Variants in ENG observed in about 807,000 individuals in gnomAD.
ENG encodes CD105 antigen.
In ENG, 17 loss-of-function variants were observed where a neutral mutation model predicts 71.0. That is an observed-to-expected ratio of 0.24 (90% CI 0.16 to 0.36). ENG has a LOEUF of 0.36. Ranked by LOEUF, ENG falls within the 10% of genes least tolerant of loss-of-function variation. The pLI is 1.00. For missense variants in ENG, 749 were observed against 868.3 expected (o/e 0.86, Z 1.73); for synonymous variants, 360 against 366.9 (o/e 0.98, Z 0.21).
chr9:127,833,298 G>T (rs960970189), intron 2 of ENG, among the ~76,000 whole-genome samples: 1 of 152,050 alleles, frequency 6.6e-6, no homozygotes, highest in South Asian at 2.1e-4. Context: ...GAGGTGAGCC[G>T]ATCACCTGAG....
chr9:127,850,884 C>A (rs1187653391), intron 1 of ENG, among the ~76,000 whole-genome samples: 1 of 152,188 alleles, frequency 6.6e-6, no homozygotes, highest in Non-Finnish European at 1.5e-5. Context: ...GGGAAACCAC[C>A]TAAATATTTA....
chr9:127,819,914 T>C lies in ENG; in HGVS notation c.1258A>G (p.Met420Val), dbSNP rs143724056. The C allele has an allele frequency of 5.7e-5, 92 of 1,614,232 alleles. No individual in the cohort carries two copies. In the Admixed American group the frequency reaches 8.0e-4, roughly 14 times the overall value. ...SSCGMQVSAS[M>V]ISNEAVVNIL... ...CCAGCTCTTACCTCATTGCTGATCA[T>C]ACTTGCTGACACCTGCATGCCACAG... is the stretch of plus-strand genomic sequence containing the variant. The change falls in exon 9 of 15, where the codon ATG becomes GTG. Residue 420 changes from methionine (M) to valine (V), a missense_variant. By Grantham distance (21) the Met-to-Val change is conservative. Coordinates refer to ENST00000373203, the MANE Select transcript of ENG (RefSeq NM_001114753.3).
chr9:127,840,429 C>G (rs1416718967), intron 2 of ENG, among the ~76,000 whole-genome samples: 1 of 152,206 alleles, frequency 6.6e-6, no homozygotes, highest in Non-Finnish European at 1.5e-5. Context: ...AACCCTGTCT[C>G]TACTAAAAAT....
chr9:127,816,818 C>T (rs1830330489), intron 13 of ENG: 2 of 441,972 alleles, frequency 4.5e-6, no homozygotes, highest in African/African-American at 4.0e-5. Context: ...CCTCAAAGGG[C>T]CTCTGTCTCA....
At position 127,836,387 on chromosome 9, in the gene ENG, AGGGG is replaced by A. The variant is rs894628313; in HGVS notation, c.220-6564_220-6561del. Among the ~76,000 whole-genome samples the A allele has an allele frequency of 1.3e-5, 2 of 152,222 alleles. No individual in the cohort carries two copies. The highest frequency in any genetic ancestry group is 2.9e-5 in the Non-Finnish European group (2 of 68,042). ...TGTTGCCCAGCAGTTGGTGGCAGGAAGGGGGGATTTCGGTGAGGAGGCCCTGAGT... is the reference window on the plus strand; with the variant it reads ...TGTTGCCCAGCAGTTGGTGGCAGGAAGGATTTCGGTGAGGAGGCCCTGAGT... On this transcript the variant is annotated intron_variant, in intron 2 of 14. Transcript: ENST00000373203. This position sits in a 1 kb window ranked among gnomAD's most constrained non-coding sequence, Gnocchi z 4.0.
chr9:127,833,405 C>T (rs1220304739), intron 2 of ENG, among the ~76,000 whole-genome samples: 1 of 151,764 alleles, frequency 6.6e-6, no homozygotes, highest in Non-Finnish European at 1.5e-5. Flanking sequence ...CCTGTAATCC[C>T]AGCTACTCGG....
chr9:127,826,317 C>T (rs1830613520), intron 4 of ENG, among the ~76,000 whole-genome samples, 193 bp downstream of exon 4: 1 of 152,144 alleles, frequency 6.6e-6, no homozygotes, highest in Non-Finnish European at 1.5e-5. Context: ...TGGCATATTC[C>T]ACATGCTTCA....
In ENG at chr9:127,815,428, T is replaced by G; in HGVS notation, c.*254A>C. 1.7e-6 allele frequency: 1 copy of G among 587,612 alleles called. No homozygotes were observed. Among genetic ancestry groups the G allele is most frequent in the African/African-American group, 1.9e-5 (1 of 53,782 alleles). The allele number at this position is 587,612 out of a possible 1,614,324, so 36.4% of individuals were successfully genotyped here. ...TGGGTTTTTACAACAGCGTGGCAAG[T>G]GGTCTGTCTCCTGGGCAGCCATATC... On this transcript the variant is annotated 3_prime_UTR_variant, in exon 15 of 15. Transcript: ENST00000373203.
chr9:127,819,237 CT>C (rs757591987), intron 10 of ENG: 32,130 of 259,656 alleles, frequency 0.12, 2 homozygotes, highest in South Asian at 0.22. Context: ...GCGCCCGGCC[CT>C]TTTTTTTTTT....
At chr9:127,853,764 T>C (rs1829086715) in intron 1 of ENG, among the ~76,000 whole-genome samples, 1 of 152,178 alleles carries the variant, frequency 6.6e-6, no homozygotes, top group Non-Finnish European at 1.5e-5. Context: ...CAATGATCCC[T>C]CACCACCCAC....
intron 8 of ENG, chr9:127,822,569 G>A (rs1294455214): frequency 1.3e-5 from 2 of 152,194 alleles, no homozygotes; most frequent in African/African-American, 4.8e-5. Context: ...CAACCTAAAT[G>A]TGTAACAAGG....
intron 7 of ENG, 94 bp from the exon 8 acceptor site, chr9:127,824,540 A>C: frequency 9.7e-7 from 1 of 1,028,152 alleles, no homozygotes; most frequent in Non-Finnish European, 1.3e-6. Flanking sequence ...TTTTTTTGAG[A>C]CGGAGTTTTG....
rs1286456808 is a variant in ENG at position 127,846,230 on chromosome 9, T to G, written c.68-2985A>C. Among the ~76,000 whole-genome samples the G allele has an allele frequency of 6.6e-6, 1 of 152,110 alleles. No individual in the cohort carries two copies. The highest frequency in any genetic ancestry group is 2.4e-5 in the African/African-American group (1 of 41,432). ...AGTCCCTCTGACCCACCAGCCCCCATGTTCTCCCCACCCTCTCCTTTCCTC... is the reference window on the plus strand; with the variant it reads ...AGTCCCTCTGACCCACCAGCCCCCAGGTTCTCCCCACCCTCTCCTTTCCTC... On this transcript the variant is annotated intron_variant, in intron 1 of 14. Coordinates refer to ENST00000373203, the MANE Select transcript of ENG (RefSeq NM_001114753.3). This position sits in a 1 kb window ranked among gnomAD's most constrained non-coding sequence, Gnocchi z 5.5.
chr9:127,825,514 G>A (rs907808189), intron 5 of ENG, among the ~76,000 whole-genome samples, 157 bp from the exon 6 acceptor site: 1 of 151,508 alleles, frequency 6.6e-6, no homozygotes, highest in Admixed American at 6.6e-5. Flanking sequence ...CCAAAGGGAA[G>A]GGGCCCATAG....
At chr9:127,853,074 G>A (rs1829070242) in intron 1 of ENG, among the ~76,000 whole-genome samples, 1 of 152,290 alleles carries the variant, frequency 6.6e-6, no homozygotes, top group East Asian at 1.9e-4. Flanking sequence ...CAGGGTCGTT[G>A]TGAGCCGCAT....
Position 127,817,459 on chromosome 9 carries a change from C to T in ENG, c.1687-256G>A, listed in dbSNP as rs564678349. 2.1e-5 allele frequency: 12 copies of T among 568,208 alleles called. No homozygotes were observed. In the African/African-American group the frequency reaches 2.2e-4, roughly 11 times the overall value. 35.2% of individuals were successfully genotyped at this position (568,208 alleles called of 1,614,324 possible). ...TTGATGCCCAGGAGCACTGTGGAAG[C>T]ACTATGCATCCCTCACCCTTGTGAA... On this transcript the variant is annotated intron_variant, in intron 12 of 14. Coordinates refer to ENST00000373203, the MANE Select transcript of ENG (RefSeq NM_001114753.3).
rs374535984 is a variant in ENG, at chr9:127,818,009, C to CCGGAG, written c.1686+110_1686+111insCTCCG. The CCGGAG allele has an allele frequency of 1.0e-4, 158 of 1,564,774 alleles. 1 individual carries two copies. The African/African-American group carries it at 1.7e-3, about 17-fold the overall frequency. ...CCAGGCCACATGCCTGATTAAGGCT[C>CCGGAG]CGCCCCTCACCAGCTGGCCCCACAT... is the stretch of plus-strand genomic sequence containing the variant. On this transcript the variant is annotated intron_variant, in intron 12 of 14. Coordinates refer to ENST00000373203, the MANE Select transcript of ENG (RefSeq NM_001114753.3).
chr9:127,850,224 G>C (rs1365921458), intron 1 of ENG, among the ~76,000 whole-genome samples: 1 of 152,220 alleles, frequency 6.6e-6, no homozygotes, highest in Non-Finnish European at 1.5e-5. Context: ...AGACGGCCTG[G>C]AGTTGAAATC....
At chr9:127,816,083 C>T in intron 13 of ENG, 30 bp from the exon 14 acceptor site, 2 of 1,600,650 alleles carry the variant, frequency 1.2e-6, no homozygotes, top group South Asian at 1.1e-5. Flanking sequence ...TCAGCACTGC[C>T]ACTCTGCCCC....
Sources: gnomAD v4.1 joint callset for allele counts (sites outside exome capture counted in the v4.1 genomes callset) on GRCh38, gnomAD v4.1.1 for gene constraint, Gnocchi (gnomAD v3.1) non-coding constraint, MANE v1.5 for transcripts, NCBI Gene and HGNC (gene_info 2026-07-23, HGNC 2026-07-21) for gene names.